HMCN1: variants seen among roughly 807,000 people sequenced by gnomAD.
HMCN1 encodes the protein hemicentin 1.
A neutral mutation model predicts 625.9 loss-of-function variants in HMCN1; 321 were observed. That is an observed-to-expected ratio of 0.51 (90% CI 0.47 to 0.56). HMCN1 has a LOEUF of 0.56. HMCN1 is among the 20% of genes least tolerant of loss of function. The pLI, the probability that HMCN1 is intolerant of heterozygous loss-of-function variation, is 0.00. For missense variants in HMCN1, 6,588 were observed against 6,887.3 expected, an observed-to-expected ratio of 0.96 and a Z score of 1.54; for synonymous variants, 2,425 against 2,417.6, an observed-to-expected ratio of 1.00 and a Z score of -0.09.
chr1:186,066,434 C>T (rs1163308884), intron 49 of HMCN1, among the ~76,000 whole-genome samples: 2 of 152,084 alleles, frequency 1.3e-5, no homozygotes, highest in Non-Finnish European at 2.9e-5. Flanking sequence ...AGTGCCTTTA[C>T]CCTTTCTTTT....
intron 1 of HMCN1, among the ~76,000 whole-genome samples, chr1:185,840,071 T>G (rs758773211): frequency 2.0e-5 from 3 of 152,196 alleles, no homozygotes; most frequent in Non-Finnish European, 4.4e-5. Flanking sequence ...GAAATATACT[T>G]GACATTAGCT....
intron 1 of HMCN1, among the ~76,000 whole-genome samples, chr1:185,798,943 C>T (rs192169928): frequency 1.4e-4 from 21 of 152,244 alleles, no homozygotes; most frequent in Admixed American, 3.3e-4. Context: ...GGTGTTGTAA[C>T]ACTTTTTCAT....
At position 185,737,584 on chromosome 1, in the gene HMCN1, T is replaced by C. The variant is rs559550641; in HGVS notation, c.268+2537T>C. Among the ~76,000 whole-genome samples the C allele has an allele frequency of 1.1e-4, 17 of 150,358 alleles. No homozygotes were observed. The South Asian group carries it at 3.3e-3, about 29-fold the overall frequency. On this transcript the variant is annotated intron_variant, in intron 1 of 106. Coordinates refer to ENST00000271588, the MANE Select transcript of HMCN1 (RefSeq NM_031935.3). ...GAATATCTCTTAAGGTCTCTTCTAA[T>C]GTGACAGTTAATGACTCTTTTACAT...
At chr1:186,067,303 C>T (rs946527857) in intron 49 of HMCN1, among the ~76,000 whole-genome samples, 1 of 152,174 alleles carries the variant, frequency 6.6e-6, no homozygotes, top group Non-Finnish European at 1.5e-5. Context: ...GTACCTGTCT[C>T]AGCTATCCTT....
chr1:186,135,593 C>T (rs1649547533), intron 86 of HMCN1, among the ~76,000 whole-genome samples: 1 of 152,172 alleles, frequency 6.6e-6, no homozygotes, highest in Admixed American at 6.6e-5. Flanking sequence ...AATTATCATT[C>T]CTTACTCCCT....
At chr1:185,810,264 A>T (rs1018506664) in intron 1 of HMCN1, among the ~76,000 whole-genome samples, 1 of 152,142 alleles carries the variant, frequency 6.6e-6, no homozygotes, top group Non-Finnish European at 1.5e-5. Flanking sequence ...AATGTGTTAT[A>T]GCTAAATTTA....
chr1:185,989,728 C>A (rs1571673860), intron 21 of HMCN1, 81 bp downstream of exon 21: 2 of 1,292,810 alleles, frequency 1.5e-6, no homozygotes, highest in African/African-American at 1.5e-5. Flanking sequence ...AATACTGTTA[C>A]CAGATGCATG....
At chr1:185,944,774 T>G (rs1397825124) in intron 11 of HMCN1, among the ~76,000 whole-genome samples, 1 of 152,216 alleles carries the variant, frequency 6.6e-6, no homozygotes, top group Non-Finnish European at 1.5e-5. Context: ...TAGATTTTAT[T>G]CAGTTTTGTG....
In HMCN1 at chr1:186,074,770, T is replaced by C; in HGVS notation, c.8169T>C (p.Ile2723=). Residue 2723 remains isoleucine (I), a synonymous_variant, in exon 53 of 107, where the codon ATT becomes ATC. Coordinates refer to ENST00000271588, the MANE Select transcript of HMCN1 (RefSeq NM_031935.3). Reference sequence around the variant, plus strand: ...TTAAATCCGATGATCATGTTAATATTGCTGCGAATGGACACACACTTCAAA... The same window carrying C: ...TTAAATCCGATGATCATGTTAATATCGCTGCGAATGGACACACACTTCAAA... ...QPLKSDDHVN[I]AANGHTLQIK... is the part of the protein sequence containing the mutation. The C allele has an allele frequency of 6.2e-7, 1 of 1,613,012 alleles. No homozygotes were observed.
At chr1:185,813,963 G>C (rs560525560) in intron 1 of HMCN1, among the ~76,000 whole-genome samples, 7 of 152,226 alleles carry the variant, frequency 4.6e-5, no homozygotes, top group African/African-American at 1.7e-4. Context: ...TCACTTAAAG[G>C]CAACAGATAA....
Position 185,780,685 on chromosome 1 carries a change from A to C in HMCN1, c.268+45638A>C, listed in dbSNP as rs538413293. 5.9e-5 allele frequency among the ~76,000 whole-genome samples: 9 copies of C among 152,302 alleles called. No individual in the cohort carries two copies. In the East Asian group the frequency reaches 1.3e-3, roughly 23 times the overall value. ...TTGTATGTTGAACCAGCCTTGCATC[A>C]CAGGGATGAAGCCCACTTGATTGTG... On this transcript the variant is annotated intron_variant, in intron 1 of 106. Transcript: ENST00000271588.
intron 36 of HMCN1, among the ~76,000 whole-genome samples, chr1:186,028,724 T>C (rs1328543145): frequency 1.0e-5 from 1 of 98,756 alleles, no homozygotes; most frequent in Non-Finnish European, 1.9e-5. Flanking sequence ...TTCTAAAGCA[T>C]ATTTTTTTTT....
intron 11 of HMCN1, among the ~76,000 whole-genome samples, chr1:185,950,088 T>C (rs1187280647): frequency 6.6e-6 from 1 of 151,024 alleles, no homozygotes; most frequent in East Asian, 1.9e-4. Flanking sequence ...AGAAGGAAAT[T>C]TGGGGAAATG....
At chr1:185,961,588 C>T (rs1650028104) in intron 11 of HMCN1, among the ~76,000 whole-genome samples, 1 of 152,144 alleles carries the variant, frequency 6.6e-6, no homozygotes, top group Non-Finnish European at 1.5e-5. Context: ...ACATTAGGAG[C>T]TACTTAATAT....
chr1:186,003,893 G>T, intron 29 of HMCN1, 49 bp downstream of exon 29: 4 of 1,589,376 alleles, frequency 2.5e-6, no homozygotes, highest in Non-Finnish European at 3.5e-6. Flanking sequence ...ATAGGAAAAA[G>T]ATGTGAAAAA....
chr1:185,747,537 C>T (rs542854403), intron 1 of HMCN1, among the ~76,000 whole-genome samples: 1 of 152,148 alleles, frequency 6.6e-6, no homozygotes. Flanking sequence ...CCAGGCTGGT[C>T]TCGAACTCCT....
chr1:185,875,903 T>C (rs1292336094), intron 4 of HMCN1, among the ~76,000 whole-genome samples: 3 of 152,084 alleles, frequency 2.0e-5, no homozygotes, highest in Non-Finnish European at 4.4e-5. Context: ...TTCTGTCCTA[T>C]TCACATTATC....
At chr1:185,833,552 C>T (rs1032663236) in intron 1 of HMCN1, among the ~76,000 whole-genome samples, 7 of 152,098 alleles carry the variant, frequency 4.6e-5, no homozygotes, top group African/African-American at 1.4e-4. Flanking sequence ...TTGATAACTT[C>T]TTCAGAGTTT....
At chr1:186,077,699 T>A (rs985027304) in intron 54 of HMCN1, among the ~76,000 whole-genome samples, 2 of 152,212 alleles carry the variant, frequency 1.3e-5, no homozygotes, top group African/African-American at 4.8e-5. Context: ...TGTAAAATAG[T>A]ACACTTTATA....
Sources: gnomAD v4.1 joint callset for allele counts (sites outside exome capture counted in the v4.1 genomes callset) on GRCh38, gnomAD v4.1.1 for gene constraint, MANE v1.5 for transcripts, NCBI Gene and HGNC (gene_info 2026-07-23, HGNC 2026-07-21) for gene names.